NELL1: variants seen among roughly 807,000 people sequenced by gnomAD.
NELL1 encodes the protein neural EGFL like 1.
NELL1 carries 76 observed loss-of-function variants against 107.4 expected under a neutral mutation model. That is an observed-to-expected ratio of 0.71 (90% CI 0.59 to 0.86). The LOEUF (loss-of-function observed/expected upper bound fraction) is 0.86. Among genes scored for constraint, NELL1 ranks in the 40% least tolerant of loss-of-function variants. The pLI is 0.00. For missense variants in NELL1, 1,024 were observed against 1,005.5 expected (o/e 1.02, Z -0.25); for synonymous variants, 353 against 341.2 (o/e 1.03, Z -0.38).
intron 2 of NELL1, among the ~76,000 whole-genome samples, chr11:20,751,076 T>G (rs986104901): frequency 6.6e-6 from 1 of 152,150 alleles, no homozygotes; most frequent in Admixed American, 6.5e-5. Context: ...TCTATTTCTA[T>G]TCCGCTGATC....
intron 13 of NELL1, among the ~76,000 whole-genome samples, chr11:21,114,399 T>G (rs528641768): frequency 6.6e-6 from 1 of 152,160 alleles, no homozygotes; most frequent in African/African-American, 2.4e-5. Context: ...GTTTAAATAC[T>G]AAATCTGTAA....
chr11:21,506,124 T>C (rs1018872437), intron 15 of NELL1, among the ~76,000 whole-genome samples: 1 of 152,228 alleles, frequency 6.6e-6, no homozygotes, highest in Non-Finnish European at 1.5e-5. Flanking sequence ...TATCTTAAAA[T>C]AATGATATTG....
rs141859446 is a variant in NELL1 at position 21,013,818 on chromosome 11, C to T, written c.1300+53258C>T. On this transcript the variant is annotated intron_variant, in intron 12 of 19. Coordinates refer to ENST00000357134, the MANE Select transcript of NELL1 (RefSeq NM_006157.5). ...TCCTTTATCTGTTCGGTATCCCATT[C>T]GGGCTACCACTTATATTTAGTCATT... 3.7e-3 allele frequency among the ~76,000 whole-genome samples: 563 copies of T among 152,212 alleles called. 2 individuals are homozygous for T. Among genetic ancestry groups the T allele is most frequent in the African/African-American group, 0.012 (516 of 41,548 alleles).
chr11:21,425,400 A>C (rs1273819558), intron 15 of NELL1, among the ~76,000 whole-genome samples: 1 of 152,182 alleles, frequency 6.6e-6, no homozygotes, highest in South Asian at 2.1e-4. Flanking sequence ...TACCTTCCTT[A>C]GCAAAAATAA....
chr11:20,813,321 G>C (rs1023224915), intron 3 of NELL1, among the ~76,000 whole-genome samples: 4 of 152,166 alleles, frequency 2.6e-5, no homozygotes, highest in Admixed American at 6.5e-5. Context: ...GAATCCTTGG[G>C]ATGTGTTGTT....
At chr11:21,136,623 A>G (rs1565077727) in intron 13 of NELL1, among the ~76,000 whole-genome samples, 1 of 152,168 alleles carries the variant, frequency 6.6e-6, no homozygotes, top group Non-Finnish European at 1.5e-5. Flanking sequence ...TTACAAACTG[A>G]GTCATTTGCA....
At chr11:21,338,273 G>A (rs1242031521) in intron 14 of NELL1, among the ~76,000 whole-genome samples, 2 of 152,182 alleles carry the variant, frequency 1.3e-5, no homozygotes, top group Non-Finnish European at 2.9e-5. Flanking sequence ...AGCACTGTGA[G>A]CACATGTTAA....
intron 2 of NELL1, among the ~76,000 whole-genome samples, chr11:20,782,040 C>CAA (rs34426520): frequency 7.4e-6 from 1 of 135,374 alleles, no homozygotes; most frequent in Non-Finnish European, 1.6e-5. Context: ...ACCCTCATCT[C>CAA]AAAAAAAAAA....
chr11:20,905,413 A>G (rs1207031688), intron 5 of NELL1, among the ~76,000 whole-genome samples: 2 of 152,170 alleles, frequency 1.3e-5, no homozygotes, highest in East Asian at 3.8e-4. Flanking sequence ...CATTCAAAGG[A>G]ACAAAATAAA....
intron 14 of NELL1, among the ~76,000 whole-genome samples, chr11:21,337,837 T>TTTCTTTCTTTTC (rs71034505): frequency 2.3e-5 from 2 of 86,652 alleles, no homozygotes; most frequent in South Asian, 4.3e-4. Context: ...TCTTTCTTTC[T>TTTCTTTCTTTTC]TTTCTTTCTT....
At chr11:21,401,468 T>C (rs1852096082) in intron 15 of NELL1, among the ~76,000 whole-genome samples, 2 of 151,856 alleles carry the variant, frequency 1.3e-5, no homozygotes, top group African/African-American at 4.8e-5. Flanking sequence ...ATTTGGTATT[T>C]GTCCTGCATC....
At chr11:20,944,335 T>TA (rs200249559) in intron 10 of NELL1, among the ~76,000 whole-genome samples, 9,624 of 152,082 alleles carry the variant, frequency 0.063, 394 homozygotes, top group Middle Eastern at 0.11. Flanking sequence ...ACATAATTTT[T>TA]AAAAAAAAAT....
intron 12 of NELL1, among the ~76,000 whole-genome samples, chr11:20,983,304 G>A (rs532905972): frequency 2.6e-5 from 4 of 152,184 alleles, no homozygotes; most frequent in Non-Finnish European, 5.9e-5. Flanking sequence ...GTGCCTTAAG[G>A]CTTGATCCCA....
chr11:20,920,886 A>C (rs1451329644), intron 7 of NELL1, among the ~76,000 whole-genome samples: 1 of 149,152 alleles, frequency 6.7e-6, no homozygotes, highest in Non-Finnish European at 1.5e-5. Flanking sequence ...GCAAACAGCA[A>C]ATTTTTTAAT....
intron 12 of NELL1, among the ~76,000 whole-genome samples, chr11:21,083,256 G>A (rs553978118): frequency 1.4e-4 from 21 of 152,306 alleles, no homozygotes; most frequent in South Asian, 2.1e-4. Flanking sequence ...AAGATAGCCC[G>A]TAGCAGATTG....
intron 15 of NELL1, among the ~76,000 whole-genome samples, chr11:21,403,511 A>ATTAACAGCAAGCTGT (rs146859325): frequency 6.0e-5 from 9 of 151,256 alleles, no homozygotes; most frequent in Non-Finnish European, 1.0e-4. Context: ...GATGAGTTTC[A>ATTAACAGCAAGCTGT]TGCCCCATGG....
In NELL1 at chr11:21,408,658, GC is replaced by G. The variant is rs1852291915; in HGVS notation, c.1645+37711del. Among the ~76,000 whole-genome samples, 3 of 152,090 alleles carry G rather than the reference GC, an allele frequency of 2.0e-5. No homozygotes were observed. The South Asian group carries it at 6.2e-4, about 32-fold the overall frequency. On this transcript the variant is annotated intron_variant, in intron 15 of 19. Coordinates refer to ENST00000357134, the MANE Select transcript of NELL1 (RefSeq NM_006157.5). ...TGGTAGTTTCTTTTGCTGTGCAGAA[GC>G]TCTTTAGTTTAATTAGATCCCATTT... is the stretch of plus-strand genomic sequence containing the variant.
chr11:20,808,833 A>G (rs1193878406), intron 3 of NELL1, among the ~76,000 whole-genome samples: 1 of 152,106 alleles, frequency 6.6e-6, no homozygotes, highest in Non-Finnish European at 1.5e-5. Context: ...CTTAGTGCAC[A>G]GATTCTTTTT....
chr11:21,086,614 T>G (rs954376290), intron 12 of NELL1, among the ~76,000 whole-genome samples: 18 of 152,158 alleles, frequency 1.2e-4, no homozygotes, highest in African/African-American at 4.1e-4. Flanking sequence ...GGGAACTTCT[T>G]ACTTCATCAT....
Sources: allele counts gnomAD v4.1 joint callset (sites outside exome capture counted in the v4.1 genomes callset), GRCh38; gene constraint gnomAD v4.1.1; transcripts MANE v1.5; gene names NCBI Gene and HGNC (gene_info 2026-07-23, HGNC 2026-07-21).